MRPL42: variants seen among roughly 807,000 people sequenced by gnomAD.
MRPL42 encodes mitochondrial ribosomal protein L42.
A neutral mutation model predicts 17.9 loss-of-function variants in MRPL42; 17 were observed. The observed-to-expected ratio is 0.95, with a 90% CI of 0.65 to 1.42. MRPL42 has a LOEUF of 1.42. Among genes scored for constraint, MRPL42 ranks in the 40% most tolerant of loss-of-function variants. The pLI is 0.00. For synonymous variants in MRPL42, 59 were observed against 54.4 expected (o/e 1.08, Z -0.37); for missense variants, 177 against 175.2 (o/e 1.01, Z -0.06).
intron 4 of MRPL42, among the ~76,000 whole-genome samples, chr12:93,484,745 C>T (rs1944898223): frequency 6.6e-6 from 1 of 151,166 alleles, no homozygotes; most frequent in Non-Finnish European, 1.5e-5. Flanking sequence ...TACAGGCATG[C>T]ACCACAACAC....
intron 1 of MRPL42, among the ~76,000 whole-genome samples, chr12:93,467,862 C>T (rs922586275): frequency 3.3e-5 from 5 of 152,158 alleles, no homozygotes; most frequent in African/African-American, 1.2e-4. Flanking sequence ...CCCTCAGAGG[C>T]TCTGTAGCTT....
intron 4 of MRPL42, among the ~76,000 whole-genome samples, chr12:93,480,354 T>C (rs1391591575): frequency 6.6e-6 from 1 of 151,814 alleles, no homozygotes; most frequent in Admixed American, 6.6e-5. Flanking sequence ...CTCCTAAGCT[T>C]AGGTGATCCG....
intron 5 of MRPL42, among the ~76,000 whole-genome samples, chr12:93,496,370 C>A (rs1173497369): frequency 2.6e-5 from 4 of 151,770 alleles, no homozygotes; most frequent in Non-Finnish European, 5.9e-5. Flanking sequence ...ACATCCTTAA[C>A]AAAGAGAAAA....
intron 2 of MRPL42, among the ~76,000 whole-genome samples, chr12:93,475,529 A>G (rs1195692910): frequency 2.0e-5 from 3 of 152,198 alleles, no homozygotes; most frequent in Non-Finnish European, 4.4e-5. Context: ...ACAGTTCTAT[A>G]TCACAGGAAC....
chr12:93,480,319 C>T (rs1416612144), intron 4 of MRPL42, among the ~76,000 whole-genome samples: 2 of 151,816 alleles, frequency 1.3e-5, no homozygotes, highest in Non-Finnish European at 2.9e-5. Context: ...CGGTGTTTCA[C>T]CATGTTGCCC....
chr12:93,512,020 C>T lies in MRPL42; in HGVS notation c.*10799C>T, dbSNP rs1953730087. The T allele has an allele frequency of 6.6e-6, 1 of 152,188 alleles. No homozygotes were observed. Among genetic ancestry groups the T allele is most frequent in the African/African-American group, 2.4e-5 (1 of 41,448 alleles). The allele number at this position is 152,188 out of a possible 1,614,324, so 9.4% of individuals were successfully genotyped here. On this transcript the variant is annotated 3_prime_UTR_variant, in exon 6 of 6. Transcript: ENST00000549982. ...AATGCAATAAGTTTGAGATTGTTCT[C>T]TTTATGTAATAGTTTGGAAAACAAA...
Position 93,504,510 on chromosome 12 carries a change from A to T in MRPL42, c.*3289A>T, listed in dbSNP as rs1191584225. The T allele has an allele frequency of 6.6e-6, 1 of 152,262 alleles. No individual in the cohort carries two copies. The highest frequency in any genetic ancestry group is 1.5e-5 in the Non-Finnish European group (1 of 68,038). The allele number at this position is 152,262 out of a possible 1,614,324, so 9.4% of individuals were successfully genotyped here. A position where few individuals can be genotyped will look rare whatever the true frequency, so the allele number is the denominator to read the frequency against. Reference sequence around the variant, plus strand: ...TCTTTAGTTCTATTAAAATTTTAAAAAATCTTTATCAATTTAGTAGGCAAA... The same window carrying T: ...TCTTTAGTTCTATTAAAATTTTAAATAATCTTTATCAATTTAGTAGGCAAA... On this transcript the variant is annotated 3_prime_UTR_variant, in exon 6 of 6. Coordinates refer to ENST00000549982, the MANE Select transcript of MRPL42 (RefSeq NM_014050.4).
At chr12:93,497,581 C>A (rs1466070980) in intron 5 of MRPL42, among the ~76,000 whole-genome samples, 2 of 152,028 alleles carry the variant, frequency 1.3e-5, no homozygotes, top group African/African-American at 4.8e-5. Flanking sequence ...GGAACATACT[C>A]CAAAATAATA....
intron 2 of MRPL42, chr12:93,470,690 C>A: frequency 2.0e-6 from 1 of 492,434 alleles, no homozygotes; most frequent in Non-Finnish European, 2.9e-6. Context: ...TGTTTACCTC[C>A]TACTTGTAAG....
intron 1 of MRPL42, among the ~76,000 whole-genome samples, chr12:93,468,130 TCA>T (rs1879730274): frequency 6.6e-6 from 1 of 152,178 alleles, no homozygotes; most frequent in African/African-American, 2.4e-5. Context: ...AGATGCTGCT[TCA>T]CACACTTGTG....
In MRPL42 at chr12:93,476,955, T is replaced by C. The variant is rs774244119; in HGVS notation, c.72T>C (p.Asn24=). The change falls in exon 3 of 6, where the codon AAT becomes AAC. Residue 24 remains asparagine (N), a splice_region_variant and synonymous_variant. Coordinates refer to ENST00000549982, the MANE Select transcript of MRPL42 (RefSeq NM_014050.4). ...TTTTACTGTTTGGGGTTTTTGCAGATGGAGCTTTATATTGTGTTTGTCATA... is the reference window on the plus strand; with the variant it reads ...TTTTACTGTTTGGGGTTTTTGCAGACGGAGCTTTATATTGTGTTTGTCATA... ...TILKHLFPVQ[N]GALYCVCHKS... The C allele has an allele frequency of 1.7e-5, 27 of 1,607,628 alleles. No homozygotes were observed. In the South Asian group the frequency reaches 3.0e-4, roughly 18 times the overall value.
intron 5 of MRPL42, among the ~76,000 whole-genome samples, chr12:93,500,208 G>A (rs1356421544): frequency 6.6e-6 from 1 of 152,056 alleles, no homozygotes; most frequent in Non-Finnish European, 1.5e-5. Flanking sequence ...TTTCTCCTGT[G>A]TTCTTCCTTA....
intron 4 of MRPL42, 67 bp downstream of exon 4, chr12:93,479,539 A>G: frequency 1.0e-6 from 1 of 963,080 alleles, no homozygotes; most frequent in Non-Finnish European, 1.5e-6. Context: ...TCTTTATAGT[A>G]TCCAAAAAGA....
rs908075351 is a variant in MRPL42 at position 93,516,186 on chromosome 12, A to G, written c.*14965A>G. On this transcript the variant is annotated 3_prime_UTR_variant, in exon 6 of 6. Coordinates refer to ENST00000549982, the MANE Select transcript of MRPL42 (RefSeq NM_014050.4). ...ATGTTGTGTGTTCTTCTTTGCTGCA[A>G]TGAGTAATAAACTCAACTTGTTTAA... The G allele has an allele frequency of 2.6e-5, 4 of 152,190 alleles. No individual in the cohort carries two copies. Among genetic ancestry groups the G allele is most frequent in the Admixed American group, 6.5e-5 (1 of 15,278 alleles). 9.4% of individuals were successfully genotyped at this position (152,190 alleles called of 1,614,324 possible). A position where few individuals can be genotyped will look rare whatever the true frequency, so the allele number is the denominator to read the frequency against.
intron 5 of MRPL42, among the ~76,000 whole-genome samples, chr12:93,495,975 A>G (rs1009552600): frequency 6.6e-6 from 1 of 152,208 alleles, no homozygotes; most frequent in Admixed American, 6.5e-5. Context: ...ATTCCATCAG[A>G]CAATCATTTA....
intron 5 of MRPL42, among the ~76,000 whole-genome samples, chr12:93,498,023 T>C (rs536834470): frequency 0.013 from 695 of 54,190 alleles, 3 homozygotes; most frequent in Non-Finnish European, 0.02. Context: ...GCTGTTTGTC[T>C]GCATAGAACA....
At chr12:93,489,135 A>G (rs1422855785) in intron 5 of MRPL42, among the ~76,000 whole-genome samples, 1 of 152,188 alleles carries the variant, frequency 6.6e-6, no homozygotes, top group Non-Finnish European at 1.5e-5. Context: ...CATAATCCCC[A>G]GTTACAAATT....
intron 5 of MRPL42, 96 bp from the exon 6 acceptor site, chr12:93,501,080 A>G (rs1363874617): frequency 6.5e-6 from 6 of 929,948 alleles, no homozygotes; most frequent in Non-Finnish European, 9.3e-6. Flanking sequence ...TTTTAAAAAA[A>G]TAGTTCCAAT....
intron 5 of MRPL42, among the ~76,000 whole-genome samples, chr12:93,491,244 T>C (rs1433818245): frequency 6.6e-6 from 1 of 152,240 alleles, no homozygotes; most frequent in African/African-American, 2.4e-5. Context: ...ATTTAAAATA[T>C]AAAATAGAAG....
Sources: allele counts gnomAD v4.1 joint callset (sites outside exome capture counted in the v4.1 genomes callset), GRCh38; gene constraint gnomAD v4.1.1; transcripts MANE v1.5; gene names NCBI Gene and HGNC (gene_info 2026-07-23, HGNC 2026-07-21).